Variants in WWC1 observed in about 807,000 individuals in gnomAD.
The protein encoded by WWC1 is protein KIBRA.
Under a neutral mutation model 138.4 loss-of-function variants are expected in WWC1, and 55 were observed. The observed-to-expected ratio is 0.40, with a 90% CI of 0.32 to 0.50. WWC1 has a LOEUF of 0.50. Ranked by LOEUF, WWC1 falls within the 20% of genes least tolerant of loss-of-function variation. The pLI is 0.72. For synonymous variants in WWC1, 524 were observed against 564.9 expected, an observed-to-expected ratio of 0.93 and a Z score of 1.03; for missense variants, 1,226 against 1,420.4, an observed-to-expected ratio of 0.86 and a Z score of 2.20.
At chr5:168,302,555 T>C (rs1770187866) in intron 1 of WWC1, among the ~76,000 whole-genome samples, 1 of 152,108 alleles carries the variant, frequency 6.6e-6, no homozygotes, top group South Asian at 2.1e-4. Context: ...TTGAGGCCTT[T>C]AGTAGGATGT....
intron 18 of WWC1, among the ~76,000 whole-genome samples, chr5:168,454,488 A>G (rs559097529): frequency 3.3e-5 from 5 of 152,342 alleles, no homozygotes; most frequent in African/African-American, 1.2e-4. Context: ...GCCTCTAAAA[A>G]TATATTTCTT....
intron 10 of WWC1, among the ~76,000 whole-genome samples, chr5:168,422,308 G>A (rs1781152459): frequency 6.6e-6 from 1 of 152,222 alleles, no homozygotes; most frequent in Non-Finnish European, 1.5e-5. Flanking sequence ...ATAGCACAAA[G>A]AAGGCCCCAG....
intron 3 of WWC1, among the ~76,000 whole-genome samples, chr5:168,388,187 TATC>T (rs1286448820): frequency 2.0e-5 from 3 of 152,142 alleles, no homozygotes; most frequent in African/African-American, 4.8e-5. Flanking sequence ...GCAATAAAGA[TATC>T]ATGAAGGATC....
rs1293157359 is a variant in WWC1, at chr5:168,292,018, C to A, written c.-135C>A. On this transcript the variant is annotated 5_prime_UTR_variant, in exon 1 of 23. Transcript: ENST00000265293. The surrounding 1 kb of genome is among the most constrained non-coding windows in gnomAD (Gnocchi z 4.4). ...CCACCCCGGCCGGCCCCTACTAGGG[C>A]CCCCCATCTGCGGGCGCCACCCCCC... 2.1e-5 allele frequency: 22 copies of A among 1,060,004 alleles called. 1 individual carries two copies. The highest frequency in any genetic ancestry group is 2.6e-5 in the Non-Finnish European group (21 of 797,078). The allele number at this position is 1,060,004 out of a possible 1,614,324, so 65.7% of individuals were successfully genotyped here.
intron 1 of WWC1, among the ~76,000 whole-genome samples, chr5:168,356,910 C>T (rs1775466108): frequency 6.6e-6 from 1 of 152,118 alleles, no homozygotes; most frequent in Non-Finnish European, 1.5e-5. Flanking sequence ...ATCCAATAAT[C>T]CTGGCCCTAC....
chr5:168,433,696 C>A (rs1196532992), intron 15 of WWC1, among the ~76,000 whole-genome samples: 1 of 152,150 alleles, frequency 6.6e-6, no homozygotes, highest in East Asian at 1.9e-4. Context: ...CACCACCACA[C>A]CCGGCTAATT....
intron 1 of WWC1, among the ~76,000 whole-genome samples, chr5:168,329,583 G>A (rs11742493): frequency 1.5e-3 from 225 of 152,260 alleles, no homozygotes; most frequent in Middle Eastern, 6.8e-3. Context: ...GGGAGGAAGG[G>A]GAGTGTTTAT....
chr5:168,385,344 G>A lies in WWC1; in HGVS notation c.363G>A (p.Leu121=). Residue 121 remains leucine, a synonymous_variant, in exon 3 of 23, where the codon CTG becomes CTA. Transcript: ENST00000265293. Reference sequence around the variant, plus strand: ...TCTACCAGGTGAAGCAGCAGCGCCTGGAGCTTGCACAGCAGGAGTACCAGC... The same window carrying A: ...TCTACCAGGTGAAGCAGCAGCGCCTAGAGCTTGCACAGCAGGAGTACCAGC... ...KEIYQVKQQR[L]ELAQQEYQQL... 6.2e-7 allele frequency: 1 copy of A among 1,614,134 alleles called. No homozygotes were observed. The highest frequency in any genetic ancestry group is 8.5e-7 in the Non-Finnish European group (1 of 1,180,026).
At chr5:168,352,948 G>A (rs912413047) in intron 1 of WWC1, among the ~76,000 whole-genome samples, 1 of 152,142 alleles carries the variant, frequency 6.6e-6, no homozygotes, top group African/African-American at 2.4e-5. Flanking sequence ...GGATTAAATG[G>A]AGTTAATATG....
chr5:168,450,091 C>T (rs1482601730), intron 17 of WWC1, among the ~76,000 whole-genome samples: 1 of 152,242 alleles, frequency 6.6e-6, no homozygotes, highest in Non-Finnish European at 1.5e-5. Context: ...GTCAGATTCT[C>T]TGCTTTTGGC....
intron 1 of WWC1, among the ~76,000 whole-genome samples, chr5:168,356,595 C>G (rs1311170231): frequency 2.0e-5 from 3 of 152,226 alleles, no homozygotes; most frequent in African/African-American, 4.8e-5. Context: ...AGACAATCCA[C>G]AAGGATCCTT....
chr5:168,292,072 G>C lies in WWC1; in HGVS notation c.-81G>C, dbSNP rs1354841393. ...TCATGGTGCCTCGGCGGCCGCCCGG[G>C]CTAAGAGCGGCCGGCTGGAGCCGCT... On this transcript the variant is annotated 5_prime_UTR_variant, in exon 1 of 23. Coordinates refer to ENST00000265293, the MANE Select transcript of WWC1 (RefSeq NM_015238.3). This position sits in a 1 kb window ranked among gnomAD's most constrained non-coding sequence, Gnocchi z 4.4. 2 of 1,418,536 alleles carry C rather than the reference G, an allele frequency of 1.4e-6. No homozygotes were observed. Among genetic ancestry groups the C allele is most frequent in the African/African-American group, 1.5e-5 (1 of 65,740 alleles). 87.9% of individuals were successfully genotyped at this position (1,418,536 alleles called of 1,614,324 possible).
intron 1 of WWC1, among the ~76,000 whole-genome samples, chr5:168,336,590 A>AC (rs1206611681): frequency 4.0e-5 from 6 of 151,206 alleles, no homozygotes; most frequent in South Asian, 4.2e-4. Flanking sequence ...AAAAAAAAAA[A>AC]AAAAACAATA....
chr5:168,468,921 C>T, intron 22 of WWC1, 30 bp from the exon 23 acceptor site: 5 of 1,613,268 alleles, frequency 3.1e-6, no homozygotes, highest in Non-Finnish European at 3.4e-6. Flanking sequence ...GTTGAAAACC[C>T]CTGCTCTAAA....
chr5:168,409,732 C>T (rs759567617), intron 7 of WWC1, among the ~76,000 whole-genome samples, 190 bp from the exon 8 acceptor site: 3 of 152,212 alleles, frequency 2.0e-5, no homozygotes, highest in Non-Finnish European at 2.9e-5. Flanking sequence ...CGGTTCTTCC[C>T]GTGGCCTGAA....
chr5:168,333,288 A>C (rs1430022535), intron 1 of WWC1, among the ~76,000 whole-genome samples: 2 of 152,174 alleles, frequency 1.3e-5, no homozygotes, highest in Non-Finnish European at 2.9e-5. Context: ...GTATTTTTTG[A>C]GTACCTCCCC....
chr5:168,380,474 A>G (rs919952627), intron 2 of WWC1, among the ~76,000 whole-genome samples: 5 of 152,144 alleles, frequency 3.3e-5, no homozygotes, highest in Admixed American at 2.6e-4. Flanking sequence ...CCAACGAGGT[A>G]TCATTACATA....
rs1561730406 is a variant in WWC1 at position 168,414,519 on chromosome 5, G to C, written c.1113G>C (p.Glu371Asp). Residue 371 changes from glutamate to aspartate, a missense_variant, in exon 9 of 23, where the codon GAG (glutamate) becomes GAC (aspartate). This residue lies in a region of WWC1 where 1,016 missense variants were observed against 1,153.9 expected (regional missense o/e 0.88). Coordinates refer to ENST00000265293, the MANE Select transcript of WWC1 (RefSeq NM_015238.3). ...KWTQGEVEQLEMARKRLEKDL... is the reference protein window; with the variant it reads ...KWTQGEVEQLDMARKRLEKDL... ...CCCAGGGGGAGGTGGAGCAGCTGGAGATGGCCCGGAAGCGGCTGGAAAAGG... is the reference window on the plus strand; with the variant it reads ...CCCAGGGGGAGGTGGAGCAGCTGGACATGGCCCGGAAGCGGCTGGAAAAGG... 5 of 1,556,900 alleles carry C rather than the reference G, an allele frequency of 3.2e-6. No individual in the cohort carries two copies. Among genetic ancestry groups the C allele is most frequent in the Non-Finnish European group, 3.5e-6 (4 of 1,149,832 alleles).
intron 2 of WWC1, among the ~76,000 whole-genome samples, chr5:168,381,306 G>A (rs1448219315): frequency 3.3e-5 from 5 of 152,262 alleles, no homozygotes; most frequent in South Asian, 4.1e-4. Flanking sequence ...GAAGGTGCCC[G>A]TTCCAGATGA....
Sources: gnomAD v4.1 joint callset for allele counts (sites outside exome capture counted in the v4.1 genomes callset) on GRCh38, gnomAD v4.1.1 for gene constraint, gnomAD v4.1.1 regional missense constraint, Gnocchi (gnomAD v3.1) non-coding constraint, MANE v1.5 for transcripts, NCBI Gene and HGNC (gene_info 2026-07-23, HGNC 2026-07-21) for gene names.